RCL1: variants seen among roughly 807,000 people sequenced by gnomAD.
RCL1 encodes RNA terminal phosphate cyclase like 1.
RCL1 carries 24 observed loss-of-function variants against 42.4 expected under a neutral mutation model. That is an observed-to-expected ratio of 0.57 (90% CI 0.41 to 0.80). The LOEUF is 0.80. Among genes scored for constraint, RCL1 ranks in the 30% least tolerant of loss-of-function variants. RCL1 has a pLI of 0.00. For missense variants in RCL1, 578 were observed against 467.9 expected (o/e 1.24, Z -2.17); for synonymous variants, 228 against 177.3 (o/e 1.29, Z -2.27).
chr9:4,826,427 G>C (rs754747161), intron 2 of RCL1, among the ~76,000 whole-genome samples: 4 of 151,420 alleles, frequency 2.6e-5, no homozygotes, highest in Non-Finnish European at 5.9e-5. Context: ...CATGTTTGGT[G>C]AATGAGGTAT....
intron 1 of RCL1, among the ~76,000 whole-genome samples, chr9:4,797,780 A>C (rs1003962238): frequency 1.3e-5 from 2 of 152,212 alleles, no homozygotes; most frequent in African/African-American, 4.8e-5. Flanking sequence ...AATGAGACAC[A>C]GATCAAACTC....
intron 5 of RCL1, among the ~76,000 whole-genome samples, chr9:4,839,109 G>A (rs931363074): frequency 3.3e-5 from 5 of 152,140 alleles, no homozygotes; most frequent in African/African-American, 9.7e-5. Flanking sequence ...CTAGAACTTG[G>A]GGGCTGTTAG....
chr9:4,855,673 A>C (rs919678213), intron 8 of RCL1, among the ~76,000 whole-genome samples: 1 of 152,100 alleles, frequency 6.6e-6, no homozygotes, highest in Non-Finnish European at 1.5e-5. Flanking sequence ...TTGCTCTTCA[A>C]TATCCCAGCT....
At chr9:4,811,574 A>G (rs1299300826) in intron 1 of RCL1, among the ~76,000 whole-genome samples, 1 of 152,146 alleles carries the variant, frequency 6.6e-6, no homozygotes, top group Non-Finnish European at 1.5e-5. Context: ...AAGCCTCTTC[A>G]TGTTGCTGCC....
chr9:4,817,552 C>T (rs1171255941), intron 1 of RCL1, among the ~76,000 whole-genome samples: 2 of 151,484 alleles, frequency 1.3e-5, no homozygotes, highest in African/African-American at 4.9e-5. Context: ...TGGCTCACTT[C>T]AGCCTCAACC....
intron 1 of RCL1, chr9:4,804,098 C>G (rs1843053648): frequency 6.6e-6 from 1 of 152,424 alleles, no homozygotes; most frequent in Non-Finnish European, 1.5e-5. Context: ...GCCACGAGCT[C>G]TTGGTAACGG....
At chr9:4,809,161 A>G (rs775126205) in intron 1 of RCL1, among the ~76,000 whole-genome samples, 3 of 152,206 alleles carry the variant, frequency 2.0e-5, no homozygotes, top group Non-Finnish European at 4.4e-5. Context: ...AATTTATTTA[A>G]CCATTCCCTT....
rs1053889 is a variant in RCL1 at position 4,860,980 on chromosome 9, G to A, written c.*705G>A. On this transcript the variant is annotated 3_prime_UTR_variant, in exon 9 of 9. Coordinates refer to ENST00000381750, the MANE Select transcript of RCL1 (RefSeq NM_005772.5). ...TTTTCACAATAGCTCTGTGATGTAA[G>A]TGCTATCTCCATGAGAAAATTCATA... 0.56 allele frequency: 85,073 copies of A among 151,968 alleles called. 23,954 individuals carry two copies. The highest frequency in any genetic ancestry group is 0.74 in the East Asian group (3,836 of 5,172). The allele number at this position is 151,968 out of a possible 1,614,324, so 9.4% of individuals were successfully genotyped here. A position where few individuals can be genotyped will look rare whatever the true frequency, so the allele number is the denominator to read the frequency against.
At chr9:4,846,628 C>T (rs1817524240) in intron 7 of RCL1, among the ~76,000 whole-genome samples, 1 of 152,144 alleles carries the variant, frequency 6.6e-6, no homozygotes, top group Non-Finnish European at 1.5e-5. Flanking sequence ...TGCAGGATTT[C>T]TTTTCCTGGT....
intron 3 of RCL1, 86 bp from the exon 4 acceptor site, chr9:4,833,068 G>A (rs368349885): frequency 1.0e-5 from 9 of 865,228 alleles, no homozygotes; most frequent in African/African-American, 1.0e-4. Context: ...TCATCTACCT[G>A]GTTGCTAAGC....
In RCL1 at chr9:4,849,545, C is replaced by G; in HGVS notation, c.966C>G (p.Pro322=). 6.2e-7 allele frequency: 1 copy of G among 1,608,802 alleles called. No individual in the cohort carries two copies. The highest frequency in any genetic ancestry group is 8.5e-7 in the Non-Finnish European group (1 of 1,175,142). Residue 322 remains proline (P), a synonymous_variant, in exon 8 of 9, where the codon CCC becomes CCG. Transcript: ENST00000381750. ...VSKVLLGPLS[P]YTIEFLRHLK... is the part of the protein sequence containing the mutation. ...AAGTCCTGCTAGGCCCTCTCTCTCC[C>G]TACACGTAAGTTATTCTTTTTCAAC...
chr9:4,839,818 A>G, intron 5 of RCL1: 1 of 982,580 alleles, frequency 1.0e-6, no homozygotes, highest in Non-Finnish European at 1.2e-6. Flanking sequence ...GGTCTCATTG[A>G]AGAGCAAGAA....
intron 1 of RCL1, among the ~76,000 whole-genome samples, chr9:4,818,498 G>A (rs887498390): frequency 6.6e-6 from 1 of 152,152 alleles, no homozygotes; most frequent in African/African-American, 2.4e-5. Flanking sequence ...TGTTTGCAAT[G>A]TCTACCTCTT....
At chr9:4,841,468 C>T in intron 6 of RCL1, 111 bp downstream of exon 6, 2 of 849,708 alleles carry the variant, frequency 2.4e-6, no homozygotes, top group Non-Finnish European at 3.8e-6. Flanking sequence ...AGAACAATTT[C>T]AGAATTAATT....
intron 1 of RCL1, among the ~76,000 whole-genome samples, chr9:4,820,124 A>G (rs577422665): frequency 1.3e-5 from 2 of 152,360 alleles, no homozygotes; most frequent in South Asian, 2.1e-4. Flanking sequence ...TTATGTATTC[A>G]TAAACAGTGT....
At chr9:4,831,638 TTA>T (rs1264947454) in intron 3 of RCL1, among the ~76,000 whole-genome samples, 1 of 110,752 alleles carries the variant, frequency 9.0e-6, no homozygotes, top group African/African-American at 2.6e-5. Context: ...CATGCCCAGC[TTA>T]TTTTTTTTTA....
chr9:4,855,087 C>T (rs1817900581), intron 8 of RCL1, among the ~76,000 whole-genome samples: 1 of 148,300 alleles, frequency 6.7e-6, no homozygotes, highest in African/African-American at 2.5e-5. Flanking sequence ...GAAAAGTTAT[C>T]TCTGTGCTCC....
intron 1 of RCL1, among the ~76,000 whole-genome samples, chr9:4,807,025 G>A (rs1815999513): frequency 6.6e-6 from 1 of 152,148 alleles, no homozygotes; most frequent in South Asian, 2.1e-4. Flanking sequence ...GAATTAATAT[G>A]TGTAGAGTTT....
intron 7 of RCL1, among the ~76,000 whole-genome samples, chr9:4,846,453 T>C (rs1331305020): frequency 6.6e-6 from 1 of 152,256 alleles, no homozygotes; most frequent in Non-Finnish European, 1.5e-5. Flanking sequence ...TACTTTTTTA[T>C]GCTAAATTTA....
Sources: gnomAD v4.1 joint callset for allele counts (sites outside exome capture counted in the v4.1 genomes callset) on GRCh38, gnomAD v4.1.1 for gene constraint, MANE v1.5 for transcripts, NCBI Gene and HGNC (gene_info 2026-07-23, HGNC 2026-07-21) for gene names.